EBF2: variants seen among roughly 807,000 people sequenced by gnomAD.
EBF2 encodes the protein transcription factor COE2.
A neutral mutation model predicts 72.8 loss-of-function variants in EBF2; 21 were observed. That is an observed-to-expected ratio of 0.29 (90% CI 0.20 to 0.42). The LOEUF (loss-of-function observed/expected upper bound fraction) is 0.42. Ranked by LOEUF, EBF2 falls within the 10% of genes least tolerant of loss-of-function variation. EBF2 has a pLI of 1.00. For synonymous variants in EBF2, 299 were observed against 274.2 expected, an observed-to-expected ratio of 1.09 and a Z score of -0.89; for missense variants, 637 against 731.2, an observed-to-expected ratio of 0.87 and a Z score of 1.49.
At chr8:25,949,130 G>A (rs1803817147) in intron 6 of EBF2, among the ~76,000 whole-genome samples, 1 of 152,002 alleles carries the variant, frequency 6.6e-6, no homozygotes, top group African/African-American at 2.4e-5. Flanking sequence ...TTTAATCCTT[G>A]TAACTACCCC....
intron 6 of EBF2, among the ~76,000 whole-genome samples, chr8:25,963,903 GT>G (rs1284047595): frequency 6.6e-6 from 1 of 152,162 alleles, no homozygotes; most frequent in Non-Finnish European, 1.5e-5. Flanking sequence ...TGGGGCTCTA[GT>G]TTAGCCTCTT....
intron 10 of EBF2, among the ~76,000 whole-genome samples, chr8:25,865,885 C>G (rs1047704657): frequency 6.6e-6 from 1 of 151,752 alleles, no homozygotes; most frequent in Admixed American, 6.6e-5. Flanking sequence ...ATTAGCCGGG[C>G]GTGGTGGCGG....
At chr8:25,930,027 C>T (rs1803455134) in intron 6 of EBF2, among the ~76,000 whole-genome samples, 1 of 152,176 alleles carries the variant, frequency 6.6e-6, no homozygotes, top group African/African-American at 2.4e-5. Context: ...ATAATTACTT[C>T]AATGTTCTTT....
At chr8:25,915,219 G>A (rs905891960) in intron 6 of EBF2, among the ~76,000 whole-genome samples, 1 of 151,970 alleles carries the variant, frequency 6.6e-6, no homozygotes, top group Non-Finnish European at 1.5e-5. Context: ...AAAAATAAGA[G>A]TGGAAGTAGT....
chr8:25,986,413 T>G (rs147624006), intron 6 of EBF2, among the ~76,000 whole-genome samples: 2 of 152,296 alleles, frequency 1.3e-5, no homozygotes, highest in Non-Finnish European at 2.9e-5. Flanking sequence ...TGCTGTTAAG[T>G]GCCCCCAAAC....
intron 6 of EBF2, among the ~76,000 whole-genome samples, chr8:26,026,042 A>G (rs1805298000): frequency 6.6e-6 from 1 of 152,144 alleles, no homozygotes. Flanking sequence ...AGCCCGGCAT[A>G]GTGGCACAAC....
intron 8 of EBF2, 128 bp downstream of exon 8, chr8:25,889,624 A>T: frequency 1.4e-6 from 1 of 728,650 alleles, no homozygotes; most frequent in Non-Finnish European, 2.2e-6. Flanking sequence ...CTTCGTTTAA[A>T]AAAAAAAAAA....
chr8:25,943,527 T>A (rs992375915), intron 6 of EBF2, among the ~76,000 whole-genome samples: 8 of 151,816 alleles, frequency 5.3e-5, no homozygotes, highest in South Asian at 4.2e-4. Context: ...AAAATTTTTT[T>A]AAATAAATGT....
At chr8:25,922,629 A>G (rs1481900359) in intron 6 of EBF2, among the ~76,000 whole-genome samples, 2 of 152,216 alleles carry the variant, frequency 1.3e-5, no homozygotes, top group Non-Finnish European at 2.9e-5. Context: ...GCAGGGTAAC[A>G]AAAAATGTAA....
At chr8:25,922,976 C>G (rs541603044) in intron 6 of EBF2, among the ~76,000 whole-genome samples, 2 of 152,082 alleles carry the variant, frequency 1.3e-5, no homozygotes, top group South Asian at 4.2e-4. Flanking sequence ...AAAATTCATC[C>G]GTTGGAGAAT....
At chr8:26,029,452 T>C (rs1245102578) in intron 6 of EBF2, among the ~76,000 whole-genome samples, 2 of 152,236 alleles carry the variant, frequency 1.3e-5, no homozygotes, top group East Asian at 1.9e-4. Context: ...TATTTGTCCA[T>C]AGCAGTTTGG....
At chr8:26,005,975 G>A (rs975902914) in intron 6 of EBF2, among the ~76,000 whole-genome samples, 3 of 151,970 alleles carry the variant, frequency 2.0e-5, no homozygotes, top group Admixed American at 2.0e-4. Flanking sequence ...TGTCTCCATT[G>A]GAACTCTGCT....
At chr8:26,026,916 A>G (rs1360563292) in intron 6 of EBF2, among the ~76,000 whole-genome samples, 4 of 152,226 alleles carry the variant, frequency 2.6e-5, no homozygotes, top group Non-Finnish European at 5.9e-5. Flanking sequence ...TTGAGAATTA[A>G]GATGATTTTA....
intron 6 of EBF2, among the ~76,000 whole-genome samples, chr8:25,928,926 CA>C (rs1211243678): frequency 6.6e-6 from 1 of 152,020 alleles, no homozygotes; most frequent in African/African-American, 2.4e-5. Flanking sequence ...AGGGCTCTAA[CA>C]TGCAGAATGC....
At chr8:26,041,929 G>C (rs1321186858) in intron 2 of EBF2, among the ~76,000 whole-genome samples, 166 bp downstream of exon 2, 1 of 152,182 alleles carries the variant, frequency 6.6e-6, no homozygotes, top group Non-Finnish European at 1.5e-5. Context: ...GGGGTGGGAG[G>C]AGGTTCGGGA....
chr8:25,928,481 C>T (rs1405047519), intron 6 of EBF2, among the ~76,000 whole-genome samples: 1 of 151,940 alleles, frequency 6.6e-6, no homozygotes, highest in African/African-American at 2.4e-5. Flanking sequence ...CAGCACTAGT[C>T]CATGCCAGGA....
chr8:25,844,264 C>T lies in EBF2; in HGVS notation c.*345G>A, dbSNP rs540065434. 131 of 176,198 alleles carry T rather than the reference C, an allele frequency of 7.4e-4. No homozygotes were observed. The highest frequency in any genetic ancestry group is 2.8e-3 in the South Asian group (15 of 5,332). 10.9% of individuals were successfully genotyped at this position (176,198 alleles called of 1,614,324 possible). ...CCTACAAAGAAAAACAAATAGTATC[C>T]AAAATATTAAGCATTAATTGTTTGC... On this transcript the variant is annotated 3_prime_UTR_variant, in exon 16 of 16. Transcript: ENST00000520164.
At chr8:25,903,563 G>A (rs1245620499) in intron 7 of EBF2, among the ~76,000 whole-genome samples, 1 of 152,188 alleles carries the variant, frequency 6.6e-6, no homozygotes, top group Non-Finnish European at 1.5e-5. Context: ...CAGGCGTGGT[G>A]GCAAGTGCCT....
At chr8:25,919,527 T>C (rs1803274720) in intron 6 of EBF2, among the ~76,000 whole-genome samples, 1 of 152,216 alleles carries the variant, frequency 6.6e-6, no homozygotes. Flanking sequence ...AATTCAGTTT[T>C]TTATAGTGAG....
Sources: allele counts gnomAD v4.1 joint callset (sites outside exome capture counted in the v4.1 genomes callset), GRCh38; gene constraint gnomAD v4.1.1; transcripts MANE v1.5; gene names NCBI Gene and HGNC (gene_info 2026-07-23, HGNC 2026-07-21).